The following PCDH15 variants were observed in gnomAD, a reference collection of about 807,000 sequenced individuals.
PCDH15 encodes the protein protocadherin related 15, also known as protocadherin-15.
Under a neutral mutation model 178.5 loss-of-function variants are expected in PCDH15, and 129 were observed. The ratio of observed to expected loss-of-function variants is 0.72; its 90% CI spans 0.63 to 0.84. The LOEUF (loss-of-function observed/expected upper bound fraction) is 0.84. Ranked by LOEUF, PCDH15 falls within the 40% of genes least tolerant of loss-of-function variation. PCDH15 has a pLI of 0.00. For synonymous variants in PCDH15, 800 were observed against 732.0 expected (o/e 1.09, Z -1.50); for missense variants, 2,230 against 2,099.9 (o/e 1.06, Z -1.21).
intron 7 of PCDH15, among the ~76,000 whole-genome samples, chr10:54,327,804 T>C (rs1938489584): frequency 6.6e-6 from 1 of 152,032 alleles, no homozygotes; most frequent in African/African-American, 2.4e-5. Context: ...GGCTTCAGAG[T>C]ATAGCTGCTT....
intron 2 of PCDH15, among the ~76,000 whole-genome samples, chr10:55,024,757 C>T (rs1294840947): frequency 3.3e-5 from 5 of 152,102 alleles, no homozygotes; most frequent in Admixed American, 3.3e-4. Flanking sequence ...ATCAGCTCTA[C>T]CTTTATACAC....
At chr10:54,603,897 G>GA (rs1200802031) in intron 2 of PCDH15, among the ~76,000 whole-genome samples, 1 of 152,000 alleles carries the variant, frequency 6.6e-6, no homozygotes, top group Non-Finnish European at 1.5e-5. Context: ...ATTGGCAATG[G>GA]AAAACAGATT....
chr10:55,228,477 A>C (rs1176501506), intron 1 of PCDH15, among the ~76,000 whole-genome samples: 1 of 152,058 alleles, frequency 6.6e-6, no homozygotes, highest in Non-Finnish European at 1.5e-5. Flanking sequence ...ATTGCATTGA[A>C]AAAAATTAAA....
intron 2 of PCDH15, among the ~76,000 whole-genome samples, chr10:55,119,370 C>T (rs531164473): frequency 4.6e-5 from 7 of 152,214 alleles, no homozygotes; most frequent in East Asian, 1.9e-4. Context: ...TTTCCTCCTA[C>T]ATTTTGCTGG....
intron 3 of PCDH15, among the ~76,000 whole-genome samples, chr10:54,867,152 A>G (rs1048435352): frequency 1.3e-5 from 2 of 152,172 alleles, no homozygotes; most frequent in East Asian, 1.9e-4. Context: ...GGGGAATATC[A>G]GGCAGCTAAT....
intron 1 of PCDH15, among the ~76,000 whole-genome samples, chr10:55,284,944 G>T (rs577138301): frequency 1.3e-5 from 2 of 151,568 alleles, no homozygotes; most frequent in South Asian, 2.1e-4. Context: ...AGTCAAAGAC[G>T]GTATAAACAA....
chr10:55,258,535 C>A (rs956702756), intron 1 of PCDH15, among the ~76,000 whole-genome samples: 2 of 151,974 alleles, frequency 1.3e-5, no homozygotes, highest in Non-Finnish European at 2.9e-5. Context: ...TGCCTTATAC[C>A]CCTCAGTTGA....
chr10:53,976,183 A>T (rs1417387385), intron 21 of PCDH15, among the ~76,000 whole-genome samples: 1 of 152,028 alleles, frequency 6.6e-6, no homozygotes, highest in Non-Finnish European at 1.5e-5. Context: ...TGTATTAATA[A>T]TATAGTTTGA....
chr10:53,907,039 A>C (rs930402694), intron 25 of PCDH15: 3 of 152,198 alleles, frequency 2.0e-5, no homozygotes, highest in African/African-American at 7.2e-5. Context: ...AAAAGCAAAT[A>C]AGTATACACC....
At chr10:54,839,651 C>A (rs1193699281) in intron 3 of PCDH15, among the ~76,000 whole-genome samples, 1 of 151,952 alleles carries the variant, frequency 6.6e-6, no homozygotes. Flanking sequence ...CATTAAGATT[C>A]ATTAAGCTCA....
At chr10:55,406,761 C>T (rs939392999) in intron 2 of PCDH15, among the ~76,000 whole-genome samples, 2 of 151,800 alleles carry the variant, frequency 1.3e-5, no homozygotes, top group Non-Finnish European at 1.5e-5. Context: ...TATTTAAAGC[C>T]TTGAAATGCA....
intron 2 of PCDH15, among the ~76,000 whole-genome samples, chr10:55,158,893 AG>A (rs1838975621): frequency 6.6e-6 from 1 of 151,390 alleles, no homozygotes; most frequent in Non-Finnish European, 1.5e-5. Context: ...GAAGAGAGAG[AG>A]AGAGAAAAAA....
chr10:55,523,246 T>G lies in PCDH15; in HGVS notation c.-156+104379A>C, dbSNP rs1024747357. ...TCAAGAACTTCCACAAGGAGTTTAT[T>G]CACTAGTTTGTTGGTGTTTCACAGG... On this transcript the variant is annotated intron_variant, in intron 2 of 5. Coordinates refer to the PCDH15 transcript ENST00000613346. Among the ~76,000 whole-genome samples the G allele has an allele frequency of 4.6e-5, 7 of 151,720 alleles. No homozygotes were observed. In the East Asian group the frequency reaches 9.7e-4, roughly 21 times the overall value.
intron 2 of PCDH15, among the ~76,000 whole-genome samples, chr10:55,348,929 T>C (rs576860079): frequency 6.6e-6 from 1 of 152,256 alleles, no homozygotes; most frequent in South Asian, 2.1e-4. Context: ...AATTTCCTTA[T>C]TAATGGCATC....
intron 2 of PCDH15, among the ~76,000 whole-genome samples, chr10:55,508,481 T>C (rs767281661): frequency 2.0e-4 from 30 of 151,906 alleles, no homozygotes; most frequent in Admixed American, 4.6e-4. Flanking sequence ...CTAAATGAAG[T>C]TAGATCACGT....
chr10:55,361,768 C>A (rs532451628), intron 2 of PCDH15, among the ~76,000 whole-genome samples: 2 of 151,862 alleles, frequency 1.3e-5, no homozygotes, highest in Non-Finnish European at 2.9e-5. Context: ...TCTTTCAAGC[C>A]TTACTATCAG....
At chr10:54,343,286 G>T (rs1022030316) in intron 6 of PCDH15, among the ~76,000 whole-genome samples, 4 of 152,096 alleles carry the variant, frequency 2.6e-5, no homozygotes, top group African/African-American at 4.8e-5. Context: ...TTTTGTGAGA[G>T]TGAGGGCATT....
chr10:55,564,590 T>C (rs781558966), intron 2 of PCDH15, among the ~76,000 whole-genome samples: 8 of 151,640 alleles, frequency 5.3e-5, no homozygotes, highest in Non-Finnish European at 1.0e-4. Context: ...ATGGCCATGA[T>C]CCAACTATAT....
chr10:53,984,474 T>C (rs1307408677), intron 21 of PCDH15, among the ~76,000 whole-genome samples: 1 of 152,098 alleles, frequency 6.6e-6, no homozygotes, highest in Non-Finnish European at 1.5e-5. Flanking sequence ...TTTTAACTTT[T>C]ATCCTTTCAA....
Sources: gnomAD v4.1 joint callset for allele counts (sites outside exome capture counted in the v4.1 genomes callset) on GRCh38, gnomAD v4.1.1 for gene constraint, MANE v1.5 for transcripts, NCBI Gene and HGNC (gene_info 2026-07-23, HGNC 2026-07-21) for gene names.